Variants in CD163L1 observed in about 807,000 individuals in gnomAD.
The protein encoded by CD163L1 is CD163 molecule like 1, also known as scavenger receptor cysteine-rich type 1 protein M160.
CD163L1 carries 124 observed loss-of-function variants against 165.4 expected under a neutral mutation model. The observed-to-expected ratio is 0.75, with a 90% CI of 0.65 to 0.87. The LOEUF is 0.87. CD163L1 is among the 40% of genes least tolerant of loss of function. The pLI, the probability that CD163L1 is intolerant of heterozygous loss-of-function variation, is 0.00. For missense variants in CD163L1, 1,525 were observed against 1,799.9 expected (o/e 0.85, Z 2.76); for synonymous variants, 585 against 662.2 (o/e 0.88, Z 1.79).
the CD163L1 span, among the ~76,000 whole-genome samples, chr12:7,341,684 T>C: frequency 3.3e-5 from 5 of 151,846 alleles, no homozygotes; most frequent in Non-Finnish European, 4.4e-5. Context: ...AGGAGAGGAG[T>C]TCTGGGAGGG....
In CD163L1 at chr12:7,439,190, A is replaced by C. The variant is rs771570391; in HGVS notation, c.124+1964T>G. 2.4e-5 allele frequency: 38 copies of C among 1,578,080 alleles called. No homozygotes were observed. The South Asian group carries it at 4.3e-4, about 18-fold the overall frequency. On this transcript the variant is annotated intron_variant, in intron 2 of 19. Transcript: ENST00000313599. The stretch of plus-strand genomic sequence containing the variant: ...ATCCTCCGGAAAGGGGGAATCATTA[A>C]GTACACTTGATTCAGATTCCACCTG...
At chr12:7,380,989 G>T (rs1947394655) in intron 8 of CD163L1, among the ~76,000 whole-genome samples, 1 of 151,896 alleles carries the variant, frequency 6.6e-6, no homozygotes, top group African/African-American at 2.4e-5. Context: ...AAATAATATT[G>T]CCTACTAATT....
intron 18 of CD163L1, among the ~76,000 whole-genome samples, chr12:7,366,193 A>T (rs905802456): frequency 6.6e-6 from 1 of 152,148 alleles, no homozygotes; most frequent in Non-Finnish European, 1.5e-5. Flanking sequence ...GGAGCTAAAA[A>T]TGTTGATACC....
At chr12:7,418,888 A>T (rs1012584669) in intron 4 of CD163L1, among the ~76,000 whole-genome samples, 2 of 152,046 alleles carry the variant, frequency 1.3e-5, no homozygotes, top group African/African-American at 4.8e-5. Flanking sequence ...GGTAATTTTT[A>T]AAAATGAGAA....
chr12:7,319,164 A>C, the CD163L1 span, among the ~76,000 whole-genome samples: 6 of 152,326 alleles, frequency 3.9e-5, no homozygotes, highest in African/African-American at 1.4e-4. Flanking sequence ...ACAGATCATC[A>C]GGCATTAGAT....
At chr12:7,424,985 C>T (rs1314877968) in intron 4 of CD163L1, among the ~76,000 whole-genome samples, 8 of 152,098 alleles carry the variant, frequency 5.3e-5, no homozygotes, top group African/African-American at 1.7e-4. Flanking sequence ...GAAAAAACTA[C>T]GTTAAAATTC....
Position 7,432,342 on chromosome 12 carries a change from G to A in CD163L1, c.766+74C>T. 8.9e-7 allele frequency: 1 copy of A among 1,129,020 alleles called. No homozygotes were observed. The highest frequency in any genetic ancestry group is 2.4e-5 in the East Asian group (1 of 42,222). The allele number at this position is 1,129,020 out of a possible 1,614,324, so 69.9% of individuals were successfully genotyped here. Reference sequence around the variant, plus strand: ...GAAAATTCTTCTCCAGAGAATGATTGACCTTTTTCTTTCCATACATACTGT... The same window carrying A: ...GAAAATTCTTCTCCAGAGAATGATTAACCTTTTTCTTTCCATACATACTGT... On this transcript the variant is annotated intron_variant, in intron 4 of 19. Transcript: ENST00000313599. This position sits in a 1 kb window ranked among gnomAD's most constrained non-coding sequence, Gnocchi z 4.2.
chr12:7,369,013 T>C lies in CD163L1; in HGVS notation c.4040-48A>G, dbSNP rs1259828160. The C allele has an allele frequency of 1.9e-6, 3 of 1,588,346 alleles. No individual in the cohort carries two copies. The highest frequency in any genetic ancestry group is 2.2e-5 in the South Asian group (2 of 90,548). On this transcript the variant is annotated intron_variant, in intron 15 of 19. Transcript: ENST00000313599. This position sits in a 1 kb window ranked among gnomAD's most constrained non-coding sequence, Gnocchi z 4.9. ...GAGACGTAAATGAACGAAAAGGAAC[T>C]GGGTATTTCTTTTTACATCTCCTGC...
At position 7,398,941 on chromosome 12, in the gene CD163L1, T is replaced by C. The variant is rs987961019; in HGVS notation, c.1409-357A>G. Among the ~76,000 whole-genome samples the C allele has an allele frequency of 3.9e-5, 6 of 152,188 alleles. No individual in the cohort carries two copies. The highest frequency in any genetic ancestry group is 1.4e-4 in the African/African-American group (6 of 41,452). Reference sequence around the variant, plus strand: ...AGATAGCACTGGCAGGTTTCTGCAGTGGAGTCCAGCATTAGCACCAAAGCT... The same window carrying C: ...AGATAGCACTGGCAGGTTTCTGCAGCGGAGTCCAGCATTAGCACCAAAGCT... On this transcript the variant is annotated intron_variant, in intron 6 of 19. Transcript: ENST00000313599. This position sits in a 1 kb window ranked among gnomAD's most constrained non-coding sequence, Gnocchi z 4.5.
At chr12:7,326,540 C>G in the CD163L1 span, among the ~76,000 whole-genome samples, 2 of 152,116 alleles carry the variant, frequency 1.3e-5, no homozygotes, top group Non-Finnish European at 2.9e-5. Flanking sequence ...CCAGGATACA[C>G]AGTCCTTCCT....
At chr12:7,327,038 T>A in the CD163L1 span, 2 of 1,612,546 alleles carry the variant, frequency 1.2e-6, no homozygotes, top group Middle Eastern at 1.7e-4. Flanking sequence ...AGAAATTAAC[T>A]CTTGAACTTC....
intron 4 of CD163L1, among the ~76,000 whole-genome samples, chr12:7,417,678 T>A (rs1948273398): frequency 6.6e-6 from 1 of 152,162 alleles, no homozygotes; most frequent in Non-Finnish European, 1.5e-5. Flanking sequence ...ATCATGTGGT[T>A]TTTGTCATTG....
At position 7,396,228 on chromosome 12, in the gene CD163L1, A is replaced by G; in HGVS notation, c.1917T>C (p.Ser639=). 6.2e-7 allele frequency: 1 copy of G among 1,614,214 alleles called. No individual in the cohort carries two copies. The highest frequency in any genetic ancestry group is 8.5e-7 in the Non-Finnish European group (1 of 1,180,028). The change falls in exon 8 of 20, where the codon TCT becomes TCC. Residue 639 remains serine, a synonymous_variant. Coordinates refer to ENST00000313599, the MANE Select transcript of CD163L1 (RefSeq NM_174941.6). Reference sequence around the variant, plus strand: ...CGAGCCAAATTTTTCCATATCCTGTAGAAGCGTTTCCCAGACCCATGCCAA... The same window carrying G: ...CGAGCCAAATTTTTCCATATCCTGTGGAAGCGTTTCCCAGACCCATGCCAA... ...SIIGMGLGNA[S]TGYGKIWLDD... is the part of the protein sequence containing the mutation.
At chr12:7,333,526 C>T in the CD163L1 span, among the ~76,000 whole-genome samples, 3 of 152,072 alleles carry the variant, frequency 2.0e-5, no homozygotes, top group Non-Finnish European at 4.4e-5. Flanking sequence ...TAAATGCCCA[C>T]AAGAGAAAGC....
chr12:7,324,170 T>G, the CD163L1 span: 1 of 1,397,748 alleles, frequency 7.2e-7, no homozygotes, highest in Non-Finnish European at 9.5e-7. Context: ...AAAAAAAAAT[T>G]TCCTATATAA....
At chr12:7,345,924 A>T (rs187513066), downstream of CD163L1, among the ~76,000 whole-genome samples, 987 of 152,184 alleles carry the variant, frequency 6.5e-3, 6 homozygotes, top group Middle Eastern at 0.024. Flanking sequence ...CTTTTAAAGA[A>T]CCATATATTG....
Position 7,403,590 on chromosome 12 carries a change from A to C in CD163L1, c.1353T>G (p.Asp451Glu). 6.2e-7 allele frequency: 1 copy of C among 1,613,954 alleles called. No homozygotes were observed. The highest frequency in any genetic ancestry group is 8.5e-7 in the Non-Finnish European group (1 of 1,179,944). Residue 451 changes from aspartate (D) to glutamate (E), a missense_variant, in exon 6 of 20, where the codon GAT (aspartate) becomes GAG (glutamate). Physicochemically the swap from Asp to Glu is conservative, Grantham distance 45 (BLOSUM62 2). Coordinates refer to ENST00000313599, the MANE Select transcript of CD163L1 (RefSeq NM_174941.6). Reference protein sequence around the residue: ...NESALWDCTYDGKAKRTCFRR... With the variant: ...NESALWDCTYEGKAKRTCFRR... ...GGAAGCATGTTCGCTTTGCTTTTCC[A>C]TCATATGTGCAGTCCCAGAGAGCTG...
chr12:7,353,018 T>C (rs890647383), downstream of CD163L1, among the ~76,000 whole-genome samples: 5 of 152,048 alleles, frequency 3.3e-5, no homozygotes, highest in Admixed American at 3.3e-4. Flanking sequence ...AGAGAAAGAC[T>C]TCAAAGCAGC....
downstream of CD163L1, among the ~76,000 whole-genome samples, chr12:7,354,194 C>T (rs1257784959): frequency 6.6e-6 from 1 of 151,970 alleles, no homozygotes; most frequent in Non-Finnish European, 1.5e-5. Context: ...TTCTAATCAC[C>T]TAGGCTTCTT....
Sources: gnomAD v4.1 joint callset for allele counts (sites outside exome capture counted in the v4.1 genomes callset) on GRCh38, gnomAD v4.1.1 for gene constraint, Gnocchi (gnomAD v3.1) non-coding constraint, MANE v1.5 for transcripts, NCBI Gene and HGNC (gene_info 2026-07-23, HGNC 2026-07-21) for gene names.